SPTB: variants seen among roughly 807,000 people sequenced by gnomAD.
The protein encoded by SPTB is spectrin beta, erythrocytic.
Under a neutral mutation model 256.2 loss-of-function variants are expected in SPTB, and 45 were observed. The observed-to-expected ratio is 0.18, with a 90% CI of 0.14 to 0.23. The LOEUF is 0.23. Ranked by LOEUF, SPTB falls within the 10% of genes least tolerant of loss-of-function variation. SPTB has a pLI of 1.00. For synonymous variants in SPTB, 1,231 were observed against 1,243.1 expected (o/e 0.99, Z 0.21); for missense variants, 2,715 against 3,040.4 (o/e 0.89, Z 2.52).
chr14:64,789,834 G>T (rs951645918), intron 15 of SPTB, among the ~76,000 whole-genome samples: 1 of 152,170 alleles, frequency 6.6e-6, no homozygotes, highest in African/African-American at 2.4e-5. Flanking sequence ...GAAAGCAAGC[G>T]ACTTGGACTG....
intron 15 of SPTB, among the ~76,000 whole-genome samples, chr14:64,789,260 G>A (rs1265081539): frequency 6.6e-6 from 1 of 152,186 alleles, no homozygotes; most frequent in Non-Finnish European, 1.5e-5. Flanking sequence ...ACTGAGATGG[G>A]AGAATCACTT....
intron 19 of SPTB, 70 bp from the exon 20 acceptor site, chr14:64,782,623 G>T: frequency 1.2e-6 from 2 of 1,603,304 alleles, no homozygotes; most frequent in Non-Finnish European, 1.7e-6. Context: ...GCTCCTGATG[G>T]TTGCAAGAGG....
rs1476211846 is a variant in SPTB at position 64,749,627 on chromosome 14, G to A, written c.6819+27C>T. On this transcript the variant is annotated intron_variant, in intron 35 of 35. Coordinates refer to ENST00000644917, the MANE Select transcript of SPTB (RefSeq NM_001355436.2). The surrounding 1 kb of genome is among the most constrained non-coding windows in gnomAD (Gnocchi z 4.7). ...CCTCCACCTACCCCCTTCTTAGCCA[G>A]GTCTGGGCTAGGCTGCCCGCGCTTA... 3 of 1,613,266 alleles carry A rather than the reference G, an allele frequency of 1.9e-6. No homozygotes were observed. Among genetic ancestry groups the A allele is most frequent in the Admixed American group, 1.7e-5 (1 of 60,026 alleles).
In SPTB at chr14:64,784,461, C is replaced by T. The variant is rs1283240694; in HGVS notation, c.3856-68G>A. The T allele has an allele frequency of 2.4e-5, 38 of 1,584,898 alleles. No homozygotes were observed. The East Asian group carries it at 8.0e-4, about 34-fold the overall frequency. On this transcript the variant is annotated intron_variant, in intron 18 of 35. Coordinates refer to ENST00000644917, the MANE Select transcript of SPTB (RefSeq NM_001355436.2). ...CTTTGGCAGAGCAGAACCTGCTGCC[C>T]ATCCCTGGCTGCAGAAGGAGAAGGC...
At chr14:64,808,060 T>C (rs928382947) in intron 2 of SPTB, among the ~76,000 whole-genome samples, 1 of 152,256 alleles carries the variant, frequency 6.6e-6, no homozygotes, top group African/African-American at 2.4e-5. Flanking sequence ...GTTGCCAGGC[T>C]GGAGTGCAGC....
chr14:64,786,741 G>C lies in SPTB; in HGVS notation c.3224C>G (p.Ala1075Gly), dbSNP rs1346219302. 3.7e-6 allele frequency: 6 copies of C among 1,614,102 alleles called. No homozygotes were observed. The highest frequency in any genetic ancestry group is 5.1e-6 in the Non-Finnish European group (6 of 1,180,018). Residue 1075 changes from alanine to glycine, a missense_variant, in exon 16 of 36, where the codon GCC (alanine) becomes GGC (glycine). Coordinates refer to ENST00000644917, the MANE Select transcript of SPTB (RefSeq NM_001355436.2). This position sits in a 1 kb window ranked among gnomAD's most constrained non-coding sequence, Gnocchi z 5.6. ...AGCCTTCTGGGTGATGGAGAGCCAG[G>C]CCTGGAAGTCATCCAGATCCTGCAG... The part of the protein sequence containing the change: ...AFLQDLDDFQ[A>G]WLSITQKAVA...
Position 64,774,433 on chromosome 14 carries a change from C to T in SPTB, c.4937G>A (p.Arg1646Gln), listed in dbSNP as rs752231474. 16 of 1,575,890 alleles carry T rather than the reference C, an allele frequency of 1.0e-5. No homozygotes were observed. Among genetic ancestry groups the T allele is most frequent in the Middle Eastern group, 1.7e-4 (1 of 5,942 alleles). Reference sequence around the variant, plus strand: ...GCCTGCAGACAGCAGGCCCTGGGCCCGGCTGGCCAGCTGCTTGATGTTCCG... The same window carrying T: ...GCCTGCAGACAGCAGGCCCTGGGCCTGGCTGGCCAGCTGCTTGATGTTCCG... Reference protein sequence around the residue: ...YGRNIKQLASRAQGLLSAGHP... With the variant: ...YGRNIKQLASQAQGLLSAGHP... Residue 1646 changes from arginine (R) to glutamine (Q), a missense_variant, in exon 24 of 36, where the codon CGG (arginine) becomes CAG (glutamine). Arg to Gln is a conservative substitution (Grantham distance 43). Coordinates refer to ENST00000644917, the MANE Select transcript of SPTB (RefSeq NM_001355436.2).
intron 1 of SPTB, among the ~76,000 whole-genome samples, chr14:64,850,029 G>A (rs1240224993): frequency 1.3e-5 from 2 of 152,132 alleles, no homozygotes; most frequent in Non-Finnish European, 2.9e-5. Context: ...TGTTTTGCAC[G>A]GCTACGATCC....
At chr14:64,834,238 G>C (rs1193676360) in intron 1 of SPTB, among the ~76,000 whole-genome samples, 2 of 151,964 alleles carry the variant, frequency 1.3e-5, no homozygotes, top group African/African-American at 4.8e-5. Context: ...TATTGGTCAG[G>C]CTGGTCTCAA....
At chr14:64,781,541 C>T (rs187322712) in intron 20 of SPTB, among the ~76,000 whole-genome samples, 84 of 152,264 alleles carry the variant, frequency 5.5e-4, no homozygotes, top group Non-Finnish European at 4.4e-5. Context: ...GTCAGAATGG[C>T]TATTATTAAA....
At chr14:64,846,054 G>A (rs1040040509) in intron 1 of SPTB, among the ~76,000 whole-genome samples, 3 of 152,202 alleles carry the variant, frequency 2.0e-5, no homozygotes, top group Non-Finnish European at 4.4e-5. Flanking sequence ...AACACTAGAA[G>A]CTACATTCCT....
chr14:64,769,496 G>C (rs1355849626), intron 28 of SPTB, 94 bp downstream of exon 28: 3 of 1,518,346 alleles, frequency 2.0e-6, no homozygotes, highest in Non-Finnish European at 2.7e-6. Flanking sequence ...CCTCAGAAAA[G>C]CTGCAGCTCT....
intron 1 of SPTB, among the ~76,000 whole-genome samples, chr14:64,837,002 A>G (rs1035294291): frequency 6.6e-6 from 1 of 152,248 alleles, no homozygotes; most frequent in Non-Finnish European, 1.5e-5. Context: ...CAAATCATGC[A>G]AGAAAGGCAA....
At chr14:64,761,291 GT>G (rs2082089862) in intron 32 of SPTB, among the ~76,000 whole-genome samples, 2 of 152,220 alleles carry the variant, frequency 1.3e-5, no homozygotes, top group Non-Finnish European at 1.5e-5. Flanking sequence ...GAAATGGTTT[GT>G]TGAGCTGAGG....
At chr14:64,770,784 G>C in intron 27 of SPTB, 101 bp downstream of exon 27, 1 of 1,558,390 alleles carries the variant, frequency 6.4e-7, no homozygotes, top group Middle Eastern at 1.9e-4. Flanking sequence ...CGATAGTCCA[G>C]GACTGTCCCT....
chr14:64,868,195 ACTGAAGGC>A (rs1372090754), intron 1 of SPTB, among the ~76,000 whole-genome samples: 1 of 152,186 alleles, frequency 6.6e-6, no homozygotes, highest in Non-Finnish European at 1.5e-5. Context: ...AAAGGTAGAG[ACTGAAGGC>A]CTAAAGGCCA....
Position 64,772,817 on chromosome 14 carries a change from C to T in SPTB, c.5316G>A (p.Lys1772=). 1.2e-6 allele frequency: 2 copies of T among 1,613,972 alleles called. No homozygotes were observed. The highest frequency in any genetic ancestry group is 1.7e-6 in the Non-Finnish European group (2 of 1,180,040). ...HSEAATIAEW[K]DGLNEMWADL... is the part of the protein sequence containing the mutation. ...CTGCCCACATCTCGTTCAGCCCGTC[C>T]TTCCACTCGGCGATGGTGGCCGCCT... is the stretch of plus-strand genomic sequence containing the variant. Residue 1772 remains lysine, a synonymous_variant, in exon 26 of 36, where the codon AAG becomes AAA. Coordinates refer to ENST00000644917, the MANE Select transcript of SPTB (RefSeq NM_001355436.2). The surrounding 1 kb of genome is among the most constrained non-coding windows in gnomAD (Gnocchi z 5.4).
At chr14:64,821,195 T>C (rs1248688955) in intron 2 of SPTB, among the ~76,000 whole-genome samples, 1 of 152,214 alleles carries the variant, frequency 6.6e-6, no homozygotes, top group Non-Finnish European at 1.5e-5. Flanking sequence ...GTTTAATTTA[T>C]GTGCCCATCC....
intron 33 of SPTB, among the ~76,000 whole-genome samples, chr14:64,751,927 CAAA>C (rs374561563): frequency 8.3e-5 from 6 of 71,934 alleles, no homozygotes; most frequent in Non-Finnish European, 1.2e-4. Context: ...ACTAAAAATG[CAAA>C]AAAAAAAAAA....
Sources: gnomAD v4.1 joint callset for allele counts (sites outside exome capture counted in the v4.1 genomes callset) on GRCh38, gnomAD v4.1.1 for gene constraint, Gnocchi (gnomAD v3.1) non-coding constraint, MANE v1.5 for transcripts, NCBI Gene and HGNC (gene_info 2026-07-23, HGNC 2026-07-21) for gene names.